DPP6: variants seen among roughly 807,000 people sequenced by gnomAD.
DPP6 encodes the protein A-type potassium channel modulatory protein DPP6.
In DPP6, 69 loss-of-function variants were observed where a neutral mutation model predicts 122.6. The ratio of observed to expected loss-of-function variants is 0.56; its 90% CI spans 0.46 to 0.69. The LOEUF (loss-of-function observed/expected upper bound fraction) is 0.69, where lower values mean the gene tolerates loss of function less well. DPP6 is among the 30% of genes least tolerant of loss of function. The pLI, the probability that DPP6 is intolerant of heterozygous loss-of-function variation, is 0.00. For missense variants in DPP6, 928 were observed against 1,116.9 expected (o/e 0.83, Z 2.41); for synonymous variants, 418 against 433.1 (o/e 0.97, Z 0.43).
intron 1 of DPP6, among the ~76,000 whole-genome samples, chr7:154,001,834 G>A (rs1285789185): frequency 6.6e-6 from 1 of 152,060 alleles, no homozygotes; most frequent in Non-Finnish European, 1.5e-5. Flanking sequence ...ATTTCCTTGT[G>A]TTCCCCTAGT....
intron 1 of DPP6, among the ~76,000 whole-genome samples, chr7:154,157,961 A>G (rs1415048211): frequency 1.4e-5 from 2 of 147,892 alleles, no homozygotes; most frequent in Non-Finnish European, 3.0e-5. Flanking sequence ...ATATATGTAC[A>G]TATATATATG....
intron 1 of DPP6, among the ~76,000 whole-genome samples, chr7:154,063,747 C>T (rs1185673713): frequency 1.3e-5 from 2 of 151,000 alleles, no homozygotes; most frequent in South Asian, 2.1e-4. Flanking sequence ...GCTTAGGACC[C>T]CCGTCGTGGA....
chr7:154,307,371 A>G (rs1218506520), intron 1 of DPP6, among the ~76,000 whole-genome samples: 1 of 152,222 alleles, frequency 6.6e-6, no homozygotes, highest in Non-Finnish European at 1.5e-5. Flanking sequence ...CCATGGCTAC[A>G]GCGAGCAGGT....
chr7:154,791,439 G>T (rs1012216007), intron 10 of DPP6, among the ~76,000 whole-genome samples: 1 of 152,054 alleles, frequency 6.6e-6, no homozygotes, highest in Non-Finnish European at 1.5e-5. Flanking sequence ...TGTGCAGGGA[G>T]ACTGCCATTT....
intron 14 of DPP6, among the ~76,000 whole-genome samples, chr7:154,804,608 G>A (rs148676174): frequency 3.2e-4 from 49 of 152,184 alleles, no homozygotes; most frequent in Admixed American, 2.5e-3. Flanking sequence ...GAGTGATCTT[G>A]TAAAAGATTT....
chr7:154,476,024 T>C (rs1822706009), intron 3 of DPP6: 1 of 152,196 alleles, frequency 6.6e-6, no homozygotes, highest in Non-Finnish European at 1.5e-5. Flanking sequence ...TCGAGTGTCG[T>C]TGTATGTTTT....
At chr7:154,252,098 T>A (rs1802384121) in intron 1 of DPP6, among the ~76,000 whole-genome samples, 1 of 152,246 alleles carries the variant, frequency 6.6e-6, no homozygotes, top group South Asian at 2.1e-4. Flanking sequence ...GAGAGACTCA[T>A]TCTTGCATAA....
At chr7:153,935,853 A>C (rs1801412516) in intron 1 of DPP6, among the ~76,000 whole-genome samples, 1 of 152,082 alleles carries the variant, frequency 6.6e-6, no homozygotes, top group South Asian at 2.1e-4. Flanking sequence ...GTGCCCCCTG[A>C]TATTCTAAGG....
chr7:154,496,175 C>T lies in DPP6; in HGVS notation c.457+21138C>T, dbSNP rs573278278. On this transcript the variant is annotated intron_variant, in intron 3 of 25. Coordinates refer to ENST00000377770, the MANE Select transcript of DPP6 (RefSeq NM_130797.4). ...ATATGTTTCTAAGATCTTTTTTTTT[C>T]CTCTCTGGAATAAATACTAGTGAAC... Among the ~76,000 whole-genome samples the T allele has an allele frequency of 1.3e-3, 199 of 150,892 alleles. 1 individual carries two copies. Among genetic ancestry groups the T allele is most frequent in the African/African-American group, 4.7e-3 (193 of 41,116 alleles).
upstream of DPP6, among the ~76,000 whole-genome samples, chr7:153,886,140 CACACACACACACAG>C (rs2128990774): frequency 6.6e-6 from 1 of 151,796 alleles, no homozygotes; most frequent in South Asian, 2.1e-4. Context: ...CACACACACA[CACACACACACACAG>C]CCTGATGTGT....
intron 1 of DPP6, among the ~76,000 whole-genome samples, chr7:153,903,177 A>T (rs982511829): frequency 6.6e-6 from 1 of 152,164 alleles, no homozygotes; most frequent in African/African-American, 2.4e-5. Context: ...CAAGAAAAAA[A>T]CTCAGCCATA....
At chr7:154,097,974 C>T (rs2150563671) in intron 1 of DPP6, among the ~76,000 whole-genome samples, 1 of 152,300 alleles carries the variant, frequency 6.6e-6, no homozygotes, top group South Asian at 2.1e-4. Flanking sequence ...TCACTTCTGC[C>T]ATATACATTA....
chr7:153,758,114 T>C, the DPP6 span, among the ~76,000 whole-genome samples: 1 of 152,226 alleles, frequency 6.6e-6, no homozygotes, highest in African/African-American at 2.4e-5. Flanking sequence ...GTAAAAATTA[T>C]GACCTCCAGC....
At chr7:154,333,842 G>A (rs1809165388) in intron 1 of DPP6, among the ~76,000 whole-genome samples, 2 of 152,158 alleles carry the variant, frequency 1.3e-5, no homozygotes, top group African/African-American at 2.4e-5. Context: ...ATTATAATTT[G>A]TAATGATTTA....
chr7:154,733,284 G>A (rs1199481358), intron 8 of DPP6, among the ~76,000 whole-genome samples: 1 of 152,234 alleles, frequency 6.6e-6, no homozygotes, highest in Admixed American at 6.5e-5. Flanking sequence ...GCTCTCATTA[G>A]CGATGTAGTC....
chr7:153,836,993 T>C, the DPP6 span, among the ~76,000 whole-genome samples: 1 of 152,204 alleles, frequency 6.6e-6, no homozygotes, highest in Non-Finnish European at 1.5e-5. Context: ...GTCAGGGCCA[T>C]CGGTGTGCCT....
chr7:154,232,284 G>C (rs1404022166), intron 1 of DPP6, among the ~76,000 whole-genome samples: 2 of 152,112 alleles, frequency 1.3e-5, no homozygotes, highest in Non-Finnish European at 2.9e-5. Context: ...CCAGAAACAG[G>C]GTGTCCCAGC....
the DPP6 span, among the ~76,000 whole-genome samples, chr7:153,876,047 A>AT: frequency 6.6e-6 from 1 of 152,074 alleles, no homozygotes; most frequent in African/African-American, 2.4e-5. Flanking sequence ...ACACATTTCT[A>AT]AATATAAATA....
chr7:154,809,128 A>G (rs1798877217), intron 16 of DPP6, among the ~76,000 whole-genome samples: 1 of 152,232 alleles, frequency 6.6e-6, no homozygotes, highest in South Asian at 2.1e-4. Flanking sequence ...CATGGAAAGA[A>G]GTCAAAATAA....
Sources: allele counts gnomAD v4.1 joint callset (sites outside exome capture counted in the v4.1 genomes callset), GRCh38; gene constraint gnomAD v4.1.1; transcripts MANE v1.5; gene names NCBI Gene and HGNC (gene_info 2026-07-23, HGNC 2026-07-21).